The following CERT1 variants were observed in gnomAD, a reference collection of about 807,000 sequenced individuals.
CERT1 encodes the protein ceramide transfer protein.
In CERT1, 31 loss-of-function variants were observed where a neutral mutation model predicts 87.9. The observed-to-expected ratio is 0.35, with a 90% CI of 0.27 to 0.48. The LOEUF is 0.48. Among genes scored for constraint, CERT1 ranks in the 20% least tolerant of loss-of-function variants. The pLI is 0.99. For synonymous variants in CERT1, 289 were observed against 250.9 expected, an observed-to-expected ratio of 1.15 and a Z score of -1.44; for missense variants, 487 against 758.0, an observed-to-expected ratio of 0.64 and a Z score of 4.20.
intron 1 of CERT1, among the ~76,000 whole-genome samples, chr5:75,508,021 T>C (rs973336809): frequency 6.6e-6 from 1 of 152,218 alleles, no homozygotes; most frequent in African/African-American, 2.4e-5. Context: ...TTTTTCATAA[T>C]TTACACAAGC....
chr5:75,471,770 A>G (rs996496807), intron 2 of CERT1, among the ~76,000 whole-genome samples: 5 of 151,510 alleles, frequency 3.3e-5, no homozygotes, highest in East Asian at 1.9e-4. Context: ...AAAAAAAAAA[A>G]AAAAAGAAAA....
At chr5:75,436,423 A>G (rs1008873206) in intron 3 of CERT1, among the ~76,000 whole-genome samples, 1 of 152,180 alleles carries the variant, frequency 6.6e-6, no homozygotes, top group Non-Finnish European at 1.5e-5. Context: ...AAATGGCTCT[A>G]GTTTCTTCTT....
intron 8 of CERT1, among the ~76,000 whole-genome samples, chr5:75,404,352 T>C (rs1762623830): frequency 6.9e-6 from 1 of 145,230 alleles, no homozygotes; most frequent in Admixed American, 6.8e-5. Context: ...TACAGAACAG[T>C]GCATATCTTA....
intron 6 of CERT1, among the ~76,000 whole-genome samples, chr5:75,417,985 CG>C (rs1561248283): frequency 6.6e-6 from 1 of 152,122 alleles, no homozygotes; most frequent in Non-Finnish European, 1.5e-5. Context: ...GGAGAAACCC[CG>C]TCTCCACTAA....
chr5:75,418,533 T>C (rs1030407635), intron 6 of CERT1, among the ~76,000 whole-genome samples: 1 of 152,190 alleles, frequency 6.6e-6, no homozygotes, highest in African/African-American at 2.4e-5. Flanking sequence ...TAGAATTGTA[T>C]ATGAATGCTC....
intron 12 of CERT1, among the ~76,000 whole-genome samples, chr5:75,388,164 A>T (rs909652995): frequency 3.3e-5 from 5 of 152,232 alleles, no homozygotes; most frequent in Non-Finnish European, 7.3e-5. Flanking sequence ...AAGACCCTGT[A>T]GCAGCTGATC....
chr5:75,432,876 A>C (rs1269771444), intron 3 of CERT1, among the ~76,000 whole-genome samples: 1 of 152,210 alleles, frequency 6.6e-6, no homozygotes, highest in Non-Finnish European at 1.5e-5. Flanking sequence ...ATTTTTGTAC[A>C]AGGTGAGAGG....
chr5:75,511,898 C>T (rs1050995574), upstream of CERT1: 3 of 1,417,012 alleles, frequency 2.1e-6, no homozygotes, highest in Non-Finnish European at 2.9e-6. Context: ...GTTGTAGTCG[C>T]GATCCTGAGG....
At chr5:75,409,170 T>G (rs965295759) in intron 8 of CERT1, among the ~76,000 whole-genome samples, 1 of 152,148 alleles carries the variant, frequency 6.6e-6, no homozygotes, top group Non-Finnish European at 1.5e-5. Flanking sequence ...AATTCTAAAA[T>G]AGCAAAATAA....
At chr5:75,425,937 T>C (rs897179973) in intron 4 of CERT1, among the ~76,000 whole-genome samples, 1 of 152,212 alleles carries the variant, frequency 6.6e-6, no homozygotes, top group African/African-American at 2.4e-5. Flanking sequence ...TATTTGATCA[T>C]ATAGACACTT....
intron 2 of CERT1, among the ~76,000 whole-genome samples, chr5:75,479,704 G>A (rs1480874442): frequency 1.3e-5 from 2 of 152,088 alleles, no homozygotes; most frequent in Non-Finnish European, 2.9e-5. Flanking sequence ...GGACATTTAG[G>A]TTGACTCCAT....
chr5:75,511,671 C>A, upstream of CERT1: 1 of 1,523,538 alleles, frequency 6.6e-7, no homozygotes, highest in South Asian at 1.3e-5. Flanking sequence ...TTCGTCCTCC[C>A]ATTCTCCCCC....
chr5:75,420,845 CAG>C (rs910321887), intron 5 of CERT1, among the ~76,000 whole-genome samples: 1 of 151,986 alleles, frequency 6.6e-6, no homozygotes, highest in Non-Finnish European at 1.5e-5. Context: ...GTTTGTGAGA[CAG>C]GGTCTGGCTC....
chr5:75,415,119 C>T (rs984979219), intron 7 of CERT1, among the ~76,000 whole-genome samples: 1 of 151,950 alleles, frequency 6.6e-6, no homozygotes, highest in East Asian at 1.9e-4. Flanking sequence ...TACACACATA[C>T]CCTGCATATA....
intron 3 of CERT1, among the ~76,000 whole-genome samples, chr5:75,447,302 G>A (rs1764585741): frequency 6.6e-6 from 1 of 152,006 alleles, no homozygotes; most frequent in Admixed American, 6.6e-5. Flanking sequence ...GATTCTGGGT[G>A]CTTCCTGCTC....
intron 3 of CERT1, among the ~76,000 whole-genome samples, chr5:75,438,769 G>C (rs957727078): frequency 1.3e-5 from 2 of 151,978 alleles, no homozygotes; most frequent in African/African-American, 4.8e-5. Context: ...GTTAGTATTT[G>C]TAAGCAGTAT....
intron 16 of CERT1, among the ~76,000 whole-genome samples, 178 bp from the exon 17 acceptor site, chr5:75,379,651 T>C (rs1761480264): frequency 6.6e-6 from 1 of 152,172 alleles, no homozygotes; most frequent in Non-Finnish European, 1.5e-5. Flanking sequence ...AGTGGCGCGA[T>C]CTTGGCTCAC....
At chr5:75,431,533 C>T (rs1763866816) in intron 3 of CERT1, among the ~76,000 whole-genome samples, 1 of 152,148 alleles carries the variant, frequency 6.6e-6, no homozygotes, top group Non-Finnish European at 1.5e-5. Context: ...CCCACCTGAT[C>T]CCTTCTCTGT....
chr5:75,505,285 AAAAACAAAACAAAAC>A (rs374207640), intron 2 of CERT1: 4,065 of 153,304 alleles, frequency 0.027, 156 homozygotes, highest in African/African-American at 0.088. Context: ...AGACTGTCTC[AAAAACAAAACAAAAC>A]AAAACAAAAA....
Sources: allele counts gnomAD v4.1 joint callset (sites outside exome capture counted in the v4.1 genomes callset), GRCh38; gene constraint gnomAD v4.1.1; transcripts MANE v1.5; gene names NCBI Gene and HGNC (gene_info 2026-07-23, HGNC 2026-07-21).